EPB41L3: variants seen among roughly 807,000 people sequenced by gnomAD.
EPB41L3 encodes erythrocyte membrane protein band 4.1 like 3, also known as band 4.1-like protein 3.
In EPB41L3, 57 loss-of-function variants were observed where a neutral mutation model predicts 127.1. The ratio of observed to expected loss-of-function variants is 0.45; its 90% CI spans 0.36 to 0.56. The LOEUF (loss-of-function observed/expected upper bound fraction) is 0.56, where lower values mean the gene tolerates loss of function less well. EPB41L3 is among the 20% of genes least tolerant of loss of function. The pLI, the probability that EPB41L3 is intolerant of heterozygous loss-of-function variation, is 0.00. For synonymous variants in EPB41L3, 572 were observed against 549.5 expected, an observed-to-expected ratio of 1.04 and a Z score of -0.57; for missense variants, 1,273 against 1,372.2, an observed-to-expected ratio of 0.93 and a Z score of 1.14.
chr18:5,488,477 TGGG>T (rs1360005257), intron 2 of EPB41L3, among the ~76,000 whole-genome samples: 9 of 151,918 alleles, frequency 5.9e-5, no homozygotes, highest in African/African-American at 2.2e-4. Context: ...GATGGATTGA[TGGG>T]TGCAGCAAAC....
intron 11 of EPB41L3, among the ~76,000 whole-genome samples, chr18:5,420,391 A>G (rs1462751890): frequency 6.6e-6 from 1 of 152,188 alleles, no homozygotes; most frequent in Non-Finnish European, 1.5e-5. Flanking sequence ...TCATATTATT[A>G]TTATTAATGT....
intron 3 of EPB41L3, among the ~76,000 whole-genome samples, chr18:5,466,613 A>C (rs1170964091): frequency 1.3e-5 from 2 of 152,212 alleles, no homozygotes; most frequent in African/African-American, 2.4e-5. Context: ...CTTCAACTCT[A>C]AGAACTTGTG....
rs914412810 is a variant in EPB41L3, at chr18:5,561,027, G to C, written c.-306+51313C>G. On this transcript the variant is annotated intron_variant, in intron 3 of 21. Transcript: ENST00000545076. Reference sequence around the variant, plus strand: ...GAGTCTCGCTCTGTCGCCCAGGCTGGAGTGCAGTGGCGCGATCGCGGCTCA... The same window carrying C: ...GAGTCTCGCTCTGTCGCCCAGGCTGCAGTGCAGTGGCGCGATCGCGGCTCA... 3.6e-5 allele frequency among the ~76,000 whole-genome samples: 5 copies of C among 137,486 alleles called. No individual in the cohort carries two copies. In the South Asian group the frequency reaches 7.0e-4, roughly 19 times the overall value. The allele number at this position is 137,486 out of a possible 152,430, so 90.2% of individuals were successfully genotyped here. A position where few individuals can be genotyped will look rare whatever the true frequency, so the allele number is the denominator to read the frequency against.
chr18:5,465,731 G>A (rs149771419), intron 3 of EPB41L3, among the ~76,000 whole-genome samples: 34 of 152,138 alleles, frequency 2.2e-4, no homozygotes, highest in African/African-American at 8.0e-4. Flanking sequence ...AGGACTTCTG[G>A]GGATGAATAG....
chr18:5,547,306 A>G (rs906856532), upstream of EPB41L3, among the ~76,000 whole-genome samples: 7 of 152,206 alleles, frequency 4.6e-5, no homozygotes, highest in Non-Finnish European at 8.8e-5. Context: ...TGCTGTTTCA[A>G]TAAGTTATAG....
chr18:5,546,869 A>G (rs2093889673), upstream of EPB41L3, among the ~76,000 whole-genome samples: 1 of 152,184 alleles, frequency 6.6e-6, no homozygotes, highest in Non-Finnish European at 1.5e-5. Flanking sequence ...ACAGTGCCTC[A>G]CTGGGCACAT....
At chr18:5,403,636 A>C (rs2074891206) in intron 16 of EPB41L3, among the ~76,000 whole-genome samples, 1 of 151,366 alleles carries the variant, frequency 6.6e-6, no homozygotes, top group Non-Finnish European at 1.5e-5. Context: ...GGAAGTCATA[A>C]GTTTGGGGTC....
intron 1 of EPB41L3, among the ~76,000 whole-genome samples, chr18:5,535,834 G>C (rs144132129): frequency 1.3e-5 from 2 of 152,352 alleles, no homozygotes; most frequent in Non-Finnish European, 2.9e-5. Flanking sequence ...TCTGTGAATG[G>C]AATATGACAT....
upstream of EPB41L3, among the ~76,000 whole-genome samples, chr18:5,545,873 CTGTGTGTGTGTGTGTGTGTGTG>C (rs36213569): frequency 1.9e-4 from 28 of 146,974 alleles, 1 homozygote; most frequent in Middle Eastern, 3.5e-3. Flanking sequence ...CTGTATGACT[CTGTGTGTGTGTGTGTGTGTGTG>C]TGTGTGTGTG....
At chr18:5,583,565 A>G (rs887933627) in intron 3 of EPB41L3, among the ~76,000 whole-genome samples, 2 of 152,212 alleles carry the variant, frequency 1.3e-5, no homozygotes, top group African/African-American at 4.8e-5. Context: ...TTATGCCAGG[A>G]GCAACTTCTT....
At chr18:5,478,906 C>G (rs1173128732) in intron 2 of EPB41L3, among the ~76,000 whole-genome samples, 2 of 152,220 alleles carry the variant, frequency 1.3e-5, no homozygotes, top group Non-Finnish European at 2.9e-5. Flanking sequence ...TGGAGAGCTT[C>G]AAGTATTAAT....
Position 5,434,105 on chromosome 18 carries a change from G to C in EPB41L3, c.622C>G (p.Gln208Glu). The change falls in exon 7 of 23, where the codon CAG becomes GAG. Residue 208 changes from glutamine (Q) to glutamate (E), a missense_variant. By Grantham distance (29) the Gln-to-Glu change is conservative. Transcript: ENST00000341928. Reference protein sequence around the residue: ...EDITRYYLCLQLRDDIVSGRL... With the variant: ...EDITRYYLCLELRDDIVSGRL... The stretch of plus-strand genomic sequence containing the variant: ...CCGGACACGATGTCATCTCGCAACT[G>C]CAAGCAGAGGTAGTACCTTCCAGGA... 1 of 1,614,086 alleles carries C rather than the reference G, an allele frequency of 6.2e-7. No individual in the cohort carries two copies.
intron 10 of EPB41L3, among the ~76,000 whole-genome samples, chr18:5,424,027 C>T (rs1471158990): frequency 6.6e-6 from 1 of 152,062 alleles, no homozygotes; most frequent in African/African-American, 2.4e-5. Context: ...AATGTAAACA[C>T]ACTAAAGATA....
At chr18:5,434,717 C>T (rs1784078902) in intron 6 of EPB41L3, among the ~76,000 whole-genome samples, 1 of 152,224 alleles carries the variant, frequency 6.6e-6, no homozygotes, top group African/African-American at 2.4e-5. Context: ...AAGACTAGCA[C>T]ATACAATCAT....
chr18:5,406,902 A>C lies in EPB41L3; in HGVS notation c.2224T>G (p.Phe742Val), dbSNP rs778479695. ...GCAGTGTCTGTTGAGGTTTCTAAGA[A>C]GGTTCTTTTCAGCTCGCTAATGTTG... is the stretch of plus-strand genomic sequence containing the variant. ...QTNISELKRT[F>V]LETSTDTAVT... The change falls in exon 16 of 23, where the codon TTC becomes GTC. Residue 742 changes from phenylalanine (F) to valine (V), a missense_variant. Physicochemically the swap from Phe to Val is conservative, Grantham distance 50. Transcript: ENST00000341928. The C allele has an allele frequency of 6.2e-7, 1 of 1,614,156 alleles. No individual in the cohort carries two copies. Among genetic ancestry groups the C allele is most frequent in the Admixed American group, 1.7e-5 (1 of 60,018 alleles).
chr18:5,410,234 T>C (rs970456747), intron 14 of EPB41L3, among the ~76,000 whole-genome samples: 3 of 151,578 alleles, frequency 2.0e-5, no homozygotes, highest in South Asian at 2.1e-4. Context: ...AAAAAAAATG[T>C]ATTATCAGTC....
chr18:5,614,582 G>A (rs1435427475), intron 1 of EPB41L3, among the ~76,000 whole-genome samples: 3 of 151,998 alleles, frequency 2.0e-5, no homozygotes, highest in Non-Finnish European at 4.4e-5. Context: ...TCCTCTTTGT[G>A]CTCCCTCATT....
intron 3 of EPB41L3, among the ~76,000 whole-genome samples, chr18:5,590,136 C>T (rs551125855): frequency 4.6e-5 from 7 of 152,228 alleles, no homozygotes; most frequent in Admixed American, 2.0e-4. Flanking sequence ...TCTTTTGAAG[C>T]GGCCTCTGAT....
chr18:5,514,163 T>C (rs987691177), intron 1 of EPB41L3, among the ~76,000 whole-genome samples: 3 of 152,216 alleles, frequency 2.0e-5, no homozygotes, highest in African/African-American at 7.2e-5. Context: ...TATGAAACAC[T>C]TGTTCCTCCT....
Sources: allele counts gnomAD v4.1 joint callset (sites outside exome capture counted in the v4.1 genomes callset), GRCh38; gene constraint gnomAD v4.1.1; transcripts MANE v1.5; gene names NCBI Gene and HGNC (gene_info 2026-07-23, HGNC 2026-07-21).